ARMC9: variants seen among roughly 807,000 people sequenced by gnomAD.
ARMC9 encodes the protein armadillo repeat containing 9, also known as lisH domain-containing protein ARMC9.
A neutral mutation model predicts 107.0 loss-of-function variants in ARMC9; 94 were observed. That is an observed-to-expected ratio of 0.88 (90% CI 0.74 to 1.04). The LOEUF (loss-of-function observed/expected upper bound fraction) is 1.04. ARMC9 is among the 50% of genes least tolerant of loss of function. The probability of loss-of-function intolerance (pLI) is 0.00; values close to 1 mark genes in which losing one functional copy is unlikely to be tolerated. For missense variants in ARMC9, 942 were observed against 1,030.1 expected (o/e 0.91, Z 1.17); for synonymous variants, 380 against 396.9 (o/e 0.96, Z 0.51).
chr2:231,305,353 A>G (rs867768028), intron 19 of ARMC9, among the ~76,000 whole-genome samples: 3 of 152,360 alleles, frequency 2.0e-5, no homozygotes, highest in Non-Finnish European at 2.9e-5. Context: ...ATAAACCATG[A>G]AAGTCAGTAA....
At position 231,370,023 on chromosome 2, in the gene ARMC9, C is replaced by A; in HGVS notation, c.2332C>A (p.Pro778Thr). The part of the protein sequence containing the change: ...CTPEMLDWNP[P>T]KAKASVLAPL... ...TCCAGAGATGCTGGACTGGAACCCA[C>A]CCAAGGCAAAGGCGTCAGTTCTGGC... Residue 778 changes from proline to threonine, a missense_variant, in exon 24 of 25, where the codon CCC becomes ACC. Physicochemically the swap from Pro to Thr is conservative, Grantham distance 38 (BLOSUM62 -1). Coordinates refer to ENST00000611582, the MANE Select transcript of ARMC9 (RefSeq NM_001352754.2). The A allele has an allele frequency of 6.5e-7, 1 of 1,535,750 alleles. No individual in the cohort carries two copies. Among genetic ancestry groups the A allele is most frequent in the Admixed American group, 2.0e-5 (1 of 50,974 alleles).
At chr2:231,343,068 C>T (rs2044614214) in intron 20 of ARMC9, among the ~76,000 whole-genome samples, 1 of 152,052 alleles carries the variant, frequency 6.6e-6, no homozygotes, top group African/African-American at 2.4e-5. Context: ...CATGCACCAC[C>T]AGGCCTAGCT....
In ARMC9 at chr2:231,208,245, C is replaced by T; in HGVS notation, c.170C>T (p.Thr57Ile). The T allele has an allele frequency of 6.2e-7, 1 of 1,606,060 alleles. No individual in the cohort carries two copies. Among genetic ancestry groups the T allele is most frequent in the Non-Finnish European group, 8.5e-7 (1 of 1,175,828 alleles). ...TCTTTCAGAGACTCCAAATCATTGA[C>T]AATTCAGGTAACATTTTGCTTATTT... Reference protein sequence around the residue: ...GGSFRDSKSLTIQKDLVAAFD... With the variant: ...GGSFRDSKSLIIQKDLVAAFD... Residue 57 changes from threonine (T) to isoleucine (I), a missense_variant, in exon 3 of 25, where the codon ACA becomes ATA. Transcript: ENST00000611582.
In ARMC9 at chr2:231,239,842, A is replaced by G. The variant is rs2036117449; in HGVS notation, c.781-101A>G. ...TACATACCTCATCATCATGCCTTAC[A>G]GAAAGCTGTTGAGAGACCACTCTAA... On this transcript the variant is annotated intron_variant, in intron 8 of 24. Coordinates refer to ENST00000611582, the MANE Select transcript of ARMC9 (RefSeq NM_001352754.2). 5 of 933,752 alleles carry G rather than the reference A, an allele frequency of 5.4e-6. No individual in the cohort carries two copies. In the Admixed American group the frequency reaches 5.9e-5, roughly 11 times the overall value. The allele number at this position is 933,752 out of a possible 1,614,324, so 57.8% of individuals were successfully genotyped here.
Position 231,355,665 on chromosome 2 carries a change from G to A in ARMC9, c.1995-133G>A, listed in dbSNP as rs2045310691. On this transcript the variant is annotated intron_variant, in intron 21 of 24. Transcript: ENST00000611582. ...CCTGCCAAGACCCTTTAGAAGGTCT[G>A]ATATGCTAATGATGGTTTAACAAGA... is the stretch of plus-strand genomic sequence containing the variant. 3 of 1,140,868 alleles carry A rather than the reference G, an allele frequency of 2.6e-6. No individual in the cohort carries two copies. The South Asian group carries it at 4.9e-5, about 19-fold the overall frequency. The allele number at this position is 1,140,868 out of a possible 1,614,324, so 70.7% of individuals were successfully genotyped here.
chr2:231,243,532 C>T (rs1224009103), intron 9 of ARMC9, among the ~76,000 whole-genome samples: 1 of 152,204 alleles, frequency 6.6e-6, no homozygotes. Context: ...ACAGTCCTAC[C>T]ACCCCGACTG....
chr2:231,237,759 A>ATG (rs1553601884), intron 8 of ARMC9, among the ~76,000 whole-genome samples: 536 of 28,692 alleles, frequency 0.019, 13 homozygotes, highest in African/African-American at 0.052. Flanking sequence ...ATATGTATAT[A>ATG]TATATATATA....
intron 21 of ARMC9, among the ~76,000 whole-genome samples, chr2:231,347,151 C>T (rs921439308): frequency 6.6e-6 from 1 of 152,122 alleles, no homozygotes; most frequent in African/African-American, 2.4e-5. Context: ...TCTATCTCCC[C>T]TCTGATATGT....
At chr2:231,354,323 C>T (rs969995628) in intron 21 of ARMC9, among the ~76,000 whole-genome samples, 1 of 149,906 alleles carries the variant, frequency 6.7e-6, no homozygotes, top group East Asian at 1.9e-4. Context: ...TTCCTGCCCC[C>T]CTCAGGCTGG....
At chr2:231,333,516 A>G (rs144033939) in intron 20 of ARMC9, among the ~76,000 whole-genome samples, 1 of 152,336 alleles carries the variant, frequency 6.6e-6, no homozygotes, top group Non-Finnish European at 1.5e-5. Context: ...TAGGTGGAGC[A>G]GGGAGGTGCT....
chr2:231,260,620 T>C (rs1169295448), intron 11 of ARMC9, among the ~76,000 whole-genome samples: 1 of 152,176 alleles, frequency 6.6e-6, no homozygotes, highest in Non-Finnish European at 1.5e-5. Context: ...CAAGCAGTGG[T>C]GTCTGCTCTG....
chr2:231,268,152 T>C (rs1212685051), intron 12 of ARMC9, among the ~76,000 whole-genome samples: 1 of 152,204 alleles, frequency 6.6e-6, no homozygotes, highest in Non-Finnish European at 1.5e-5. Flanking sequence ...AGGAGCCAAG[T>C]AACATGAATC....
At position 231,282,198 on chromosome 2, in the gene ARMC9, C is replaced by A. The variant is rs147318775; in HGVS notation, c.1626+65C>A. 265 of 1,518,338 alleles carry A rather than the reference C, an allele frequency of 1.7e-4. No individual in the cohort carries two copies. In the African/African-American group the frequency reaches 3.3e-3, roughly 19 times the overall value. 94.1% of individuals were successfully genotyped at this position (1,518,338 alleles called of 1,614,324 possible). On this transcript the variant is annotated intron_variant, in intron 17 of 24. Coordinates refer to ENST00000611582, the MANE Select transcript of ARMC9 (RefSeq NM_001352754.2). ...GTGCCACAGTTCAGAGCTTTTAGAG[C>A]AAGACCTCCTTGATTGGGCTCCATA... is the stretch of plus-strand genomic sequence containing the variant.
intron 17 of ARMC9, among the ~76,000 whole-genome samples, chr2:231,290,633 G>A (rs60959350): frequency 0.1 from 15,863 of 152,212 alleles, 1,890 homozygotes; most frequent in African/African-American, 0.28. Flanking sequence ...GCTTAAGTCA[G>A]TATATTATCC....
intron 18 of ARMC9, among the ~76,000 whole-genome samples, chr2:231,292,945 G>C (rs978016636): frequency 6.6e-6 from 1 of 152,202 alleles, no homozygotes; most frequent in Non-Finnish European, 1.5e-5. Flanking sequence ...GAACCTCTCA[G>C]AGAGGGGATT....
intron 19 of ARMC9, among the ~76,000 whole-genome samples, chr2:231,299,404 A>G (rs2041585881): frequency 1.3e-5 from 2 of 152,162 alleles, no homozygotes; most frequent in African/African-American, 4.8e-5. Context: ...CAAGGGGGGA[A>G]TAGGAATAAG....
intron 23 of ARMC9, among the ~76,000 whole-genome samples, chr2:231,364,016 G>A (rs1370855684): frequency 2.0e-5 from 3 of 151,188 alleles, no homozygotes; most frequent in African/African-American, 4.9e-5. Flanking sequence ...AGGATAAAAC[G>A]AATGTTGACC....
Position 231,263,725 on chromosome 2 carries a change from A to C in ARMC9, c.1119+1327A>C, listed in dbSNP as rs576522613. On this transcript the variant is annotated intron_variant, in intron 12 of 24. Transcript: ENST00000611582. ...AGTTTACTCTGTGAATGTAGTCTTA[A>C]TGTTCTCATGAATGAGTTAAGTTTG... Among the ~76,000 whole-genome samples the C allele has an allele frequency of 2.6e-5, 4 of 152,322 alleles. No homozygotes were observed. The East Asian group carries it at 5.8e-4, about 22-fold the overall frequency.
At chr2:231,318,352 G>A (rs939643566) in intron 19 of ARMC9, among the ~76,000 whole-genome samples, 4 of 152,152 alleles carry the variant, frequency 2.6e-5, no homozygotes, top group African/African-American at 7.2e-5. Context: ...CTTGAGCTGT[G>A]TGTGGATTGA....
Sources: gnomAD v4.1 joint callset for allele counts (sites outside exome capture counted in the v4.1 genomes callset) on GRCh38, gnomAD v4.1.1 for gene constraint, MANE v1.5 for transcripts, NCBI Gene and HGNC (gene_info 2026-07-23, HGNC 2026-07-21) for gene names.